Variants in MRPL1 observed in about 807,000 individuals in gnomAD.
MRPL1 encodes the protein mitochondrial ribosomal protein L1.
In MRPL1, 28 loss-of-function variants were observed where a neutral mutation model predicts 38.0. The ratio of observed to expected loss-of-function variants is 0.74; its 90% CI spans 0.55 to 1.01. The LOEUF (loss-of-function observed/expected upper bound fraction) is 1.01, where lower values mean the gene tolerates loss of function less well. Among genes scored for constraint, MRPL1 ranks in the 50% least tolerant of loss-of-function variants. The probability of loss-of-function intolerance (pLI) is 0.00; values close to 1 mark genes in which losing one functional copy is unlikely to be tolerated. For synonymous variants in MRPL1, 123 were observed against 126.7 expected (o/e 0.97, Z 0.20); for missense variants, 358 against 389.8 (o/e 0.92, Z 0.69).
chr4:77,920,739 A>G (rs1232286166), intron 7 of MRPL1, among the ~76,000 whole-genome samples: 1 of 151,838 alleles, frequency 6.6e-6, no homozygotes, highest in African/African-American at 2.4e-5. Context: ...TATTCCCTCT[A>G]TAGTACCCTT....
chr4:77,938,392 C>T (rs1395452177), intron 7 of MRPL1, among the ~76,000 whole-genome samples: 9 of 152,170 alleles, frequency 5.9e-5, no homozygotes, highest in Admixed American at 2.6e-4. Flanking sequence ...TCACTGCTGA[C>T]GGGGTATTTT....
At position 77,902,007 on chromosome 4, in the gene MRPL1, G is replaced by A. The variant is rs144722320; in HGVS notation, c.671-7259G>A. Among the ~76,000 whole-genome samples, 47 of 152,288 alleles carry A rather than the reference G, an allele frequency of 3.1e-4. No homozygotes were observed. In the East Asian group the frequency reaches 7.3e-3, roughly 24 times the overall value. ...AAAAGAATTGAAGTGACACACGTATGTGTTCTGATTTGCAACTGAGTTAAA... is the reference window on the plus strand; with the variant it reads ...AAAAGAATTGAAGTGACACACGTATATGTTCTGATTTGCAACTGAGTTAAA... On this transcript the variant is annotated intron_variant, in intron 6 of 8. Transcript: ENST00000315567.
At position 77,878,638 on chromosome 4, in the gene MRPL1, G is replaced by C. The variant is rs528590414; in HGVS notation, c.144-4604G>C. On this transcript the variant is annotated intron_variant, in intron 2 of 8. Transcript: ENST00000315567. Reference sequence around the variant, plus strand: ...CTCATGTCTGTAATCCTAGCACTTTGGGAGGCCGAGGCGGGCAGATCACAA... The same window carrying C: ...CTCATGTCTGTAATCCTAGCACTTTCGGAGGCCGAGGCGGGCAGATCACAA... 4.6e-5 allele frequency among the ~76,000 whole-genome samples: 7 copies of C among 152,212 alleles called. No homozygotes were observed. The East Asian group carries it at 1.4e-3, about 29-fold the overall frequency.
chr4:77,863,505 A>G (rs1262477641), intron 1 of MRPL1, among the ~76,000 whole-genome samples: 1 of 113,748 alleles, frequency 8.8e-6, no homozygotes, highest in South Asian at 2.7e-4. Context: ...TCGCTCTGCC[A>G]CCCAGGCTGG....
intron 7 of MRPL1, among the ~76,000 whole-genome samples, chr4:77,914,285 T>G: frequency 6.6e-6 from 1 of 151,868 alleles, no homozygotes; most frequent in Non-Finnish European, 1.5e-5. Context: ...AGACAAAAAG[T>G]AGATTAGTAG....
intron 2 of MRPL1, among the ~76,000 whole-genome samples, chr4:77,875,283 G>A (rs1291979600): frequency 2.0e-5 from 3 of 152,188 alleles, no homozygotes; most frequent in Non-Finnish European, 2.9e-5. Context: ...TGGATCAAGT[G>A]CTATGCGATC....
intron 7 of MRPL1, among the ~76,000 whole-genome samples, chr4:77,920,376 G>A (rs764925757): frequency 2.2e-4 from 33 of 151,922 alleles, no homozygotes; most frequent in Non-Finnish European, 4.4e-4. Flanking sequence ...TTTTATCTTA[G>A]AACATTGGAG....
intron 6 of MRPL1, among the ~76,000 whole-genome samples, chr4:77,902,471 A>G (rs1318162827): frequency 6.6e-6 from 1 of 152,140 alleles, no homozygotes; most frequent in Non-Finnish European, 1.5e-5. Flanking sequence ...CCTAGAAAAA[A>G]AGAAGCAAAT....
At chr4:77,944,964 A>T (rs569424991) in intron 7 of MRPL1, among the ~76,000 whole-genome samples, 2 of 152,062 alleles carry the variant, frequency 1.3e-5, no homozygotes, top group Non-Finnish European at 2.9e-5. Context: ...GTGTGTGCTC[A>T]TGAATAAGTT....
At chr4:77,876,026 G>A (rs1735380898) in intron 2 of MRPL1, among the ~76,000 whole-genome samples, 1 of 152,152 alleles carries the variant, frequency 6.6e-6, no homozygotes, top group African/African-American at 2.4e-5. Context: ...AGGTTGGAGT[G>A]CAGTGGCATG....
At chr4:77,932,822 G>A (rs771876207) in intron 7 of MRPL1, among the ~76,000 whole-genome samples, 24 of 151,236 alleles carry the variant, frequency 1.6e-4, no homozygotes, top group Middle Eastern at 3.4e-3. Context: ...CACCCCCACC[G>A]CACTGGAAAA....
chr4:77,869,997 C>T (rs758578529), intron 1 of MRPL1, among the ~76,000 whole-genome samples: 3 of 152,130 alleles, frequency 2.0e-5, no homozygotes, highest in African/African-American at 4.8e-5. Flanking sequence ...ATCCTGCCAC[C>T]TCAAGCAATC....
At chr4:77,884,947 A>G (rs1735639034) in intron 3 of MRPL1, among the ~76,000 whole-genome samples, 1 of 152,278 alleles carries the variant, frequency 6.6e-6, no homozygotes, top group Non-Finnish European at 1.5e-5. Flanking sequence ...ACTGTGATGA[A>G]TGATGTAGAG....
intron 6 of MRPL1, among the ~76,000 whole-genome samples, chr4:77,900,085 AG>A (rs2110243654): frequency 6.6e-6 from 1 of 152,324 alleles, no homozygotes; most frequent in East Asian, 1.9e-4. Context: ...ATGAAGCACA[AG>A]CTGGGTACAT....
At chr4:77,950,870 C>A (rs1446316180) in intron 8 of MRPL1, among the ~76,000 whole-genome samples, 1 of 152,054 alleles carries the variant, frequency 6.6e-6, no homozygotes, top group Non-Finnish European at 1.5e-5. Flanking sequence ...TCTCTTTTTG[C>A]CATTTTATTT....
chr4:77,880,015 C>T (rs1457245815), intron 2 of MRPL1, among the ~76,000 whole-genome samples: 3 of 152,126 alleles, frequency 2.0e-5, no homozygotes, highest in Non-Finnish European at 4.4e-5. Context: ...TTTTAAAAAA[C>T]TGTTTTATTA....
chr4:77,872,175 T>G (rs1735295974), intron 2 of MRPL1, among the ~76,000 whole-genome samples: 1 of 152,162 alleles, frequency 6.6e-6, no homozygotes, highest in Admixed American at 6.6e-5. Context: ...TACTAAATTT[T>G]AGAGCTAGGG....
intron 7 of MRPL1, among the ~76,000 whole-genome samples, chr4:77,920,588 G>A (rs1313548107): frequency 2.6e-5 from 4 of 152,166 alleles, no homozygotes; most frequent in African/African-American, 4.8e-5. Flanking sequence ...ACCTGCATGT[G>A]GGATCACCTG....
At chr4:77,874,374 T>G (rs1012722647) in intron 2 of MRPL1, among the ~76,000 whole-genome samples, 4 of 152,234 alleles carry the variant, frequency 2.6e-5, no homozygotes, top group African/African-American at 9.6e-5. Context: ...GTGTGAAATG[T>G]AGTAGTGCAT....
Sources: allele counts gnomAD v4.1 joint callset (sites outside exome capture counted in the v4.1 genomes callset), GRCh38; gene constraint gnomAD v4.1.1; transcripts MANE v1.5; gene names NCBI Gene and HGNC (gene_info 2026-07-23, HGNC 2026-07-21).